SLC9A1: variants seen among roughly 807,000 people sequenced by gnomAD.
SLC9A1 encodes the protein sodium/hydrogen exchanger 1.
SLC9A1 carries 22 observed loss-of-function variants against 67.9 expected under a neutral mutation model. The observed-to-expected ratio is 0.32, with a 90% CI of 0.23 to 0.46. SLC9A1 has a LOEUF of 0.46. Ranked by LOEUF, SLC9A1 falls within the 20% of genes least tolerant of loss-of-function variation. SLC9A1 has a pLI of 1.00. For missense variants in SLC9A1, 686 were observed against 1,094.8 expected (o/e 0.63, Z 5.27); for synonymous variants, 421 against 471.8 (o/e 0.89, Z 1.40).
chr1:27,114,069 CA>C lies in SLC9A1; in HGVS notation c.569del (p.Leu190ArgfsTer107), dbSNP rs781669944. On this transcript the variant is annotated frameshift_variant, in exon 2 of 12. Coordinates refer to ENST00000263980, the MANE Select transcript of SLC9A1 (RefSeq NM_003047.5). LOFTEE classifies it high-confidence loss of function. This position sits in a 1 kb window ranked among gnomAD's most constrained non-coding sequence, Gnocchi z 5.4. ...ACAGCGTGCCCACCACGGCAAAGAT[CA>C]GGATGGTGCCCAGGTTTTCTGTGAA... ...RQFTENLGTI[L>X]IFAVVGTLWN... 6.2e-7 allele frequency: 1 copy of C among 1,614,146 alleles called. No individual in the cohort carries two copies. Among genetic ancestry groups the C allele is most frequent in the Non-Finnish European group, 8.5e-7 (1 of 1,180,032 alleles).
intron 1 of SLC9A1, among the ~76,000 whole-genome samples, chr1:27,135,447 A>G (rs897891117): frequency 6.6e-6 from 1 of 151,336 alleles, no homozygotes; most frequent in Non-Finnish European, 1.5e-5. Flanking sequence ...AGGGAGTAAA[A>G]GGGGTATAAC....
chr1:27,127,698 T>C (rs1193964874), intron 1 of SLC9A1, among the ~76,000 whole-genome samples: 1 of 152,208 alleles, frequency 6.6e-6, no homozygotes, highest in Admixed American at 6.5e-5. Flanking sequence ...GCTCAGCACC[T>C]GGCATAGGGC....
In SLC9A1 at chr1:27,101,886, T is replaced by C; in HGVS notation, c.1936-60A>G. On this transcript the variant is annotated intron_variant, in intron 9 of 11. Coordinates refer to ENST00000263980, the MANE Select transcript of SLC9A1 (RefSeq NM_003047.5). This position sits in a 1 kb window ranked among gnomAD's most constrained non-coding sequence, Gnocchi z 4.9. ...CCGGAAGGCTCTGCTCATGGAGGGG[T>C]GGGGGCAGTGCTGGAGGCCGGGCCA... The C allele has an allele frequency of 7.0e-7, 1 of 1,432,776 alleles. No homozygotes were observed. The highest frequency in any genetic ancestry group is 2.3e-5 in the East Asian group (1 of 43,718). The allele number at this position is 1,432,776 out of a possible 1,614,324, so 88.8% of individuals were successfully genotyped here.
chr1:27,112,970 T>C (rs1322216267), intron 2 of SLC9A1, among the ~76,000 whole-genome samples: 1 of 152,024 alleles, frequency 6.6e-6, no homozygotes, highest in Non-Finnish European at 1.5e-5. Flanking sequence ...CCAACTTCTT[T>C]TACTTATCAC....
At chr1:27,125,863 T>C (rs2083340497) in intron 1 of SLC9A1, among the ~76,000 whole-genome samples, 1 of 152,080 alleles carries the variant, frequency 6.6e-6, no homozygotes, top group Non-Finnish European at 1.5e-5. Context: ...AGTGCTGAGA[T>C]TACAGTCATG....
In SLC9A1 at chr1:27,118,103, CCTT is replaced by C. The variant is rs1231521079; in HGVS notation, c.353-3820_353-3818del. ...CCTCCTGACTACAGCACAGCGACCT[CCTT>C]CTCCTTCAGCCAGCTCCAGAGTACC... is the stretch of plus-strand genomic sequence containing the variant. On this transcript the variant is annotated intron_variant, in intron 1 of 11. Transcript: ENST00000263980. This position sits in a 1 kb window ranked among gnomAD's most constrained non-coding sequence, Gnocchi z 4.3. 6.6e-6 allele frequency among the ~76,000 whole-genome samples: 1 copy of C among 152,216 alleles called. No individual in the cohort carries two copies. Among genetic ancestry groups the C allele is most frequent in the Non-Finnish European group, 1.5e-5 (1 of 68,040 alleles).
Position 27,109,477 on chromosome 1 carries a change from GC to G in SLC9A1, c.1064+49del. The G allele has an allele frequency of 1.3e-6, 2 of 1,591,848 alleles. No homozygotes were observed. ...CGAGCCTGGGGAATCCAAGCTGGCAGCCCCCGCCCCCACCCCGCCAAGCCCA... is the reference window on the plus strand; with the variant it reads ...CGAGCCTGGGGAATCCAAGCTGGCAGCCCCGCCCCCACCCCGCCAAGCCCA... On this transcript the variant is annotated intron_variant, in intron 3 of 11. Coordinates refer to ENST00000263980, the MANE Select transcript of SLC9A1 (RefSeq NM_003047.5). This position sits in a 1 kb window ranked among gnomAD's most constrained non-coding sequence, Gnocchi z 5.5.
intron 1 of SLC9A1, among the ~76,000 whole-genome samples, chr1:27,141,876 T>G (rs1300905346): frequency 6.6e-6 from 1 of 152,156 alleles, no homozygotes; most frequent in East Asian, 1.9e-4. Flanking sequence ...GGAGATAAGA[T>G]CTTATTCCCT....
chr1:27,111,315 C>T (rs1434523396), intron 2 of SLC9A1, among the ~76,000 whole-genome samples: 1 of 152,140 alleles, frequency 6.6e-6, no homozygotes, highest in Admixed American at 6.5e-5. Flanking sequence ...GTGCTATTAC[C>T]CCTGGAACTA....
intron 1 of SLC9A1, among the ~76,000 whole-genome samples, chr1:27,122,300 T>A (rs967503272): frequency 6.6e-6 from 1 of 152,004 alleles, no homozygotes; most frequent in Non-Finnish European, 1.5e-5. Flanking sequence ...CAAAAAGTGA[T>A]GCTCAGAAAA....
intron 1 of SLC9A1, among the ~76,000 whole-genome samples, chr1:27,117,106 C>A (rs565769205): frequency 1.3e-5 from 2 of 152,080 alleles, no homozygotes; most frequent in Non-Finnish European, 2.9e-5. Flanking sequence ...TGGCACCCAC[C>A]GAGATCAGTC....
At chr1:27,149,623 C>T (rs141429517) in intron 1 of SLC9A1, among the ~76,000 whole-genome samples, 12 of 152,212 alleles carry the variant, frequency 7.9e-5, no homozygotes, top group Non-Finnish European at 1.5e-4. Context: ...AGAATCTGCA[C>T]GGCCCTGAAA....
At chr1:27,136,008 G>A (rs1209391356) in intron 1 of SLC9A1, among the ~76,000 whole-genome samples, 3 of 152,248 alleles carry the variant, frequency 2.0e-5, no homozygotes, top group Non-Finnish European at 4.4e-5. Context: ...GCAGGTAGTA[G>A]AGCTGGGATT....
At chr1:27,126,817 G>C (rs2083347523) in intron 1 of SLC9A1, among the ~76,000 whole-genome samples, 1 of 152,106 alleles carries the variant, frequency 6.6e-6, no homozygotes, top group African/African-American at 2.4e-5. Flanking sequence ...ATATATTTTT[G>C]GGTTTAACTT....
Position 27,114,951 on chromosome 1 carries a change from C to G in SLC9A1, c.353-665G>C, listed in dbSNP as rs2083255250. Among the ~76,000 whole-genome samples the G allele has an allele frequency of 6.6e-6, 1 of 152,262 alleles. No individual in the cohort carries two copies. The highest frequency in any genetic ancestry group is 1.9e-4 in the East Asian group (1 of 5,190). ...TGAGTCCAGGCAGCTGCTCAAGACA[C>G]GGCTCAAGGATGTCAGTGGCAACCA... On this transcript the variant is annotated intron_variant, in intron 1 of 11. Coordinates refer to ENST00000263980, the MANE Select transcript of SLC9A1 (RefSeq NM_003047.5). This position sits in a 1 kb window ranked among gnomAD's most constrained non-coding sequence, Gnocchi z 5.4.
intron 2 of SLC9A1, among the ~76,000 whole-genome samples, chr1:27,110,654 G>A (rs1329184873): frequency 2.0e-5 from 3 of 152,204 alleles, no homozygotes; most frequent in Non-Finnish European, 2.9e-5. Context: ...TTGCTAAACC[G>A]AGGCTCACAG....
intron 1 of SLC9A1, among the ~76,000 whole-genome samples, chr1:27,145,274 T>C (rs993644718): frequency 6.6e-6 from 1 of 152,218 alleles, no homozygotes; most frequent in African/African-American, 2.4e-5. Flanking sequence ...CTCTGTACTT[T>C]GCCTCTGCCA....
chr1:27,112,646 G>A (rs2083236016), intron 2 of SLC9A1, among the ~76,000 whole-genome samples: 1 of 152,218 alleles, frequency 6.6e-6, no homozygotes, highest in African/African-American at 2.4e-5. Flanking sequence ...CACTTTGGGA[G>A]GCTGAGGTGG....
chr1:27,110,645 T>G (rs1166923414), intron 2 of SLC9A1, among the ~76,000 whole-genome samples: 1 of 152,226 alleles, frequency 6.6e-6, no homozygotes, highest in Non-Finnish European at 1.5e-5. Flanking sequence ...GATGCTCCTT[T>G]GCTAAACCGA....
Sources: allele counts gnomAD v4.1 joint callset (sites outside exome capture counted in the v4.1 genomes callset), GRCh38; gene constraint gnomAD v4.1.1; non-coding constraint Gnocchi (gnomAD v3.1); transcripts MANE v1.5; gene names NCBI Gene and HGNC (gene_info 2026-07-23, HGNC 2026-07-21).